Variants in TANC2 observed in about 807,000 individuals in gnomAD.
The protein encoded by TANC2 is tetratricopeptide repeat, ankyrin repeat and coiled-coil containing 2.
In TANC2, 26 loss-of-function variants were observed where a neutral mutation model predicts 210.5. The ratio of observed to expected loss-of-function variants is 0.12; its 90% CI spans 0.09 to 0.17. TANC2 has a LOEUF of 0.17. TANC2 is among the 10% of genes least tolerant of loss of function. The probability of loss-of-function intolerance (pLI) is 1.00; values close to 1 mark genes in which losing one functional copy is unlikely to be tolerated. For missense variants in TANC2, 2,129 were observed against 2,608.9 expected (o/e 0.82, Z 4.01); for synonymous variants, 931 against 967.1 (o/e 0.96, Z 0.69).
At chr17:63,029,151 T>A (rs1185767259) in intron 2 of TANC2, among the ~76,000 whole-genome samples, 1 of 152,068 alleles carries the variant, frequency 6.6e-6, no homozygotes, top group African/African-American at 2.4e-5. Flanking sequence ...TTAACCAGAG[T>A]TATCCTCATA....
At chr17:63,044,073 TAA>T (rs1487804086) in intron 2 of TANC2, among the ~76,000 whole-genome samples, 1 of 152,188 alleles carries the variant, frequency 6.6e-6, no homozygotes, top group Non-Finnish European at 1.5e-5. Flanking sequence ...TATTTTGCGT[TAA>T]GAATGAATTT....
chr17:63,116,905 A>G (rs1167969594), intron 4 of TANC2: 4 of 152,188 alleles, frequency 2.6e-5, no homozygotes, highest in African/African-American at 9.6e-5. Flanking sequence ...AATTACCTCA[A>G]TTGCATTTTT....
At chr17:63,349,970 A>G (rs1330428076) in intron 12 of TANC2, among the ~76,000 whole-genome samples, 5 of 152,000 alleles carry the variant, frequency 3.3e-5, no homozygotes, top group African/African-American at 1.2e-4. Context: ...AGTTCATTTC[A>G]CTCCCTAAAA....
At chr17:63,216,108 GT>G (rs1197180952) in intron 7 of TANC2, among the ~76,000 whole-genome samples, 3 of 152,056 alleles carry the variant, frequency 2.0e-5, no homozygotes, top group African/African-American at 4.8e-5. Flanking sequence ...GAGTGCAATG[GT>G]GCGATCTCGG....
At chr17:63,358,376 A>AGTGTGTGT (rs1555641221) in intron 14 of TANC2, among the ~76,000 whole-genome samples, 30 of 81,030 alleles carry the variant, frequency 3.7e-4, no homozygotes, top group African/African-American at 5.2e-4. Flanking sequence ...AGAGAGAGAG[A>AGTGTGTGT]GTATGTGTGT....
chr17:63,375,109 A>T (rs1273329791), intron 14 of TANC2, among the ~76,000 whole-genome samples: 6 of 152,222 alleles, frequency 3.9e-5, no homozygotes, highest in Admixed American at 2.0e-4. Context: ...CGAGAAGCAG[A>T]ATTAAATCTC....
intron 1 of TANC2, among the ~76,000 whole-genome samples, chr17:62,991,323 G>C (rs2032850655): frequency 6.6e-6 from 1 of 151,880 alleles, no homozygotes; most frequent in Non-Finnish European, 1.5e-5. Flanking sequence ...GTGTCTGCCA[G>C]CCATGGATCA....
At chr17:63,373,055 C>T (rs184860624) in intron 14 of TANC2, among the ~76,000 whole-genome samples, 20 of 151,906 alleles carry the variant, frequency 1.3e-4, no homozygotes, top group East Asian at 7.8e-4. Flanking sequence ...CCACCACACC[C>T]GCCTAATTTT....
chr17:63,417,959 G>A (rs548936382), intron 26 of TANC2, among the ~76,000 whole-genome samples: 1 of 152,220 alleles, frequency 6.6e-6, no homozygotes, highest in Non-Finnish European at 1.5e-5. Context: ...ACATGTGTGC[G>A]TTTGCCTCCT....
At chr17:63,203,259 T>C (rs1021215270) in intron 7 of TANC2, among the ~76,000 whole-genome samples, 6 of 152,182 alleles carry the variant, frequency 3.9e-5, no homozygotes, top group South Asian at 4.1e-4. Context: ...TTTTAAAATA[T>C]AAATTTACAT....
intron 7 of TANC2, among the ~76,000 whole-genome samples, chr17:63,202,893 T>C (rs2041582024): frequency 6.6e-6 from 1 of 152,144 alleles, no homozygotes; most frequent in African/African-American, 2.4e-5. Flanking sequence ...ATTTATAAAG[T>C]GGCATGTTAA....
intron 6 of TANC2, among the ~76,000 whole-genome samples, chr17:63,198,382 A>G (rs1430491756): frequency 2.0e-5 from 3 of 152,154 alleles, no homozygotes; most frequent in South Asian, 2.1e-4. Context: ...TTTAATAGAG[A>G]TGGCATTTTG....
intron 9 of TANC2, among the ~76,000 whole-genome samples, chr17:63,302,549 C>A (rs951788763): frequency 9.9e-6 from 1 of 101,038 alleles, no homozygotes; most frequent in Non-Finnish European, 2.1e-5. Flanking sequence ...CTTTTTTGAT[C>A]TTTGTTGGTT....
At chr17:63,413,288 C>T (rs988242874) in intron 24 of TANC2, 22 of 360,912 alleles carry the variant, frequency 6.1e-5, no homozygotes, top group Middle Eastern at 1.4e-3. Context: ...ACATGCAGCA[C>T]GCAGGCTTTG....
chr17:63,176,037 A>G (rs1475471853), intron 5 of TANC2, among the ~76,000 whole-genome samples: 1 of 152,218 alleles, frequency 6.6e-6, no homozygotes, highest in Non-Finnish European at 1.5e-5. Context: ...TAAAATTAAA[A>G]AGGCTCTCAC....
At chr17:63,127,252 A>G (rs1184527283) in intron 4 of TANC2, among the ~76,000 whole-genome samples, 1 of 152,226 alleles carries the variant, frequency 6.6e-6, no homozygotes, top group Non-Finnish European at 1.5e-5. Flanking sequence ...AGATATATTA[A>G]TGTCTAGTCT....
chr17:63,228,649 T>C (rs1420608263), intron 7 of TANC2, among the ~76,000 whole-genome samples: 1 of 152,156 alleles, frequency 6.6e-6, no homozygotes, highest in Non-Finnish European at 1.5e-5. Context: ...CCTTCACTCC[T>C]CTTGTTAGCG....
intron 2 of TANC2, among the ~76,000 whole-genome samples, chr17:63,046,424 C>T (rs1210941813): frequency 6.7e-6 from 1 of 148,706 alleles, no homozygotes; most frequent in African/African-American, 2.5e-5. Context: ...CTCCACCTCC[C>T]GGATTCAAGT....
intron 7 of TANC2, among the ~76,000 whole-genome samples, chr17:63,214,283 A>G (rs1276712990): frequency 1.3e-5 from 2 of 152,320 alleles, no homozygotes; most frequent in Admixed American, 1.3e-4. Context: ...ACTTGTGCCC[A>G]GGATCAACAC....
Sources: gnomAD v4.1 joint callset for allele counts (sites outside exome capture counted in the v4.1 genomes callset) on GRCh38, gnomAD v4.1.1 for gene constraint, MANE v1.5 for transcripts, NCBI Gene and HGNC (gene_info 2026-07-23, HGNC 2026-07-21) for gene names.